Variants in MLN observed in about 807,000 individuals in gnomAD.
MLN encodes the protein promotilin.
MLN carries 14 observed loss-of-function variants against 13.3 expected under a neutral mutation model. The observed-to-expected ratio is 1.05, with a 90% CI of 0.69 to 1.64. The LOEUF is 1.64. MLN is among the 40% of genes most tolerant of loss of function. The probability of loss-of-function intolerance (pLI) is 0.00; values close to 1 mark genes in which losing one functional copy is unlikely to be tolerated. For synonymous variants in MLN, 59 were observed against 54.7 expected (o/e 1.08, Z -0.34); for missense variants, 122 against 142.9 (o/e 0.85, Z 0.75).
In MLN at chr6:33,797,197, C is replaced by T. The variant is rs551118307; in HGVS notation, c.235-1592G>A. On this transcript the variant is annotated intron_variant, in intron 3 of 4. Coordinates refer to ENST00000430124, the MANE Select transcript of MLN (RefSeq NM_002418.3). ...ACTCCTGTGTGACCGTGACAAGGCC[C>T]CTGCTCTCTCTGGATGTCAGTCTTC... 1.2e-3 allele frequency among the ~76,000 whole-genome samples: 186 copies of T among 152,326 alleles called. 1 individual carries two copies. The highest frequency in any genetic ancestry group is 4.3e-3 in the African/African-American group (179 of 41,556).
intron 3 of MLN, among the ~76,000 whole-genome samples, chr6:33,796,055 G>A (rs1351284248): frequency 6.6e-6 from 1 of 151,332 alleles, no homozygotes; most frequent in Non-Finnish European, 1.5e-5. Flanking sequence ...CGCCTCCCGG[G>A]TTCACGCCAT....
chr6:33,802,887 C>G (rs918736545), intron 1 of MLN, among the ~76,000 whole-genome samples: 2 of 152,178 alleles, frequency 1.3e-5, no homozygotes, highest in African/African-American at 2.4e-5. Context: ...GCTTTTCCCC[C>G]CAGCAGAGAC....
At chr6:33,802,336 A>G (rs1427133946) in intron 1 of MLN, among the ~76,000 whole-genome samples, 4 of 152,096 alleles carry the variant, frequency 2.6e-5, no homozygotes, top group African/African-American at 7.2e-5. Flanking sequence ...CAGTAGGGGT[A>G]GGGGTGGAGG....
chr6:33,797,811 GA>G (rs1561934068), intron 3 of MLN, among the ~76,000 whole-genome samples: 1 of 152,082 alleles, frequency 6.6e-6, no homozygotes, highest in Admixed American at 6.6e-5. Context: ...CAGCTGGAGA[GA>G]CCCCTTTAAA....
chr6:33,796,650 G>A (rs906970072), intron 3 of MLN, among the ~76,000 whole-genome samples: 15 of 152,308 alleles, frequency 9.8e-5, no homozygotes, highest in African/African-American at 3.6e-4. Context: ...AGACGCTTGG[G>A]GGCTCAGGGT....
In MLN at chr6:33,803,307, C is replaced by CTTT. The variant is rs535908944; in HGVS notation, c.-8+643_-8+645dup. 2.2e-3 allele frequency among the ~76,000 whole-genome samples: 296 copies of CTTT among 136,126 alleles called. 9 individuals are homozygous for CTTT. In the East Asian group the frequency reaches 0.039, roughly 18 times the overall value. 89.3% of individuals were successfully genotyped at this position (136,126 alleles called of 152,430 possible). ...CTTTTTCTTTTCCTTTTCTTTTCTTCTTTTTTTTTTTTTTTTCTGAGATGG... is the reference window on the plus strand; with the variant it reads ...CTTTTTCTTTTCCTTTTCTTTTCTTCTTTTTTTTTTTTTTTTTTTCTGAGATGG... On this transcript the variant is annotated intron_variant, in intron 1 of 4. Coordinates refer to ENST00000430124, the MANE Select transcript of MLN (RefSeq NM_002418.3). This position sits in a 1 kb window ranked among gnomAD's most constrained non-coding sequence, Gnocchi z 4.5.
At position 33,797,818 on chromosome 6, in the gene MLN, T is replaced by G. The variant is rs573543632; in HGVS notation, c.234+1287A>C. 2.6e-4 allele frequency among the ~76,000 whole-genome samples: 40 copies of G among 152,208 alleles called. 1 individual carries two copies. The highest frequency in any genetic ancestry group is 2.4e-3 in the Admixed American group (37 of 15,286). Reference sequence around the variant, plus strand: ...GTTCTCAGCAGCTGGAGAGACCCCTTTAAAATGTAAATCAGATCCCATCCC... The same window carrying G: ...GTTCTCAGCAGCTGGAGAGACCCCTGTAAAATGTAAATCAGATCCCATCCC... On this transcript the variant is annotated intron_variant, in intron 3 of 4. Transcript: ENST00000430124.
At chr6:33,798,789 T>A (rs1213022325) in intron 3 of MLN, among the ~76,000 whole-genome samples, 1 of 152,200 alleles carries the variant, frequency 6.6e-6, no homozygotes, top group Non-Finnish European at 1.5e-5. Context: ...CTCCTTCCCT[T>A]CATTCAGGTT....
intron 1 of MLN, among the ~76,000 whole-genome samples, chr6:33,801,833 C>T (rs1760836776): frequency 6.6e-6 from 1 of 152,254 alleles, no homozygotes; most frequent in South Asian, 2.1e-4. Context: ...CTTTGGCCAC[C>T]ATCCTGAAAC....
chr6:33,801,309 A>T, intron 1 of MLN, 139 bp from the exon 2 acceptor site: 1 of 659,480 alleles, frequency 1.5e-6, no homozygotes, highest in East Asian at 2.8e-5. Context: ...GCCTGTCTGG[A>T]TTTGGGCCTG....
At chr6:33,794,891 T>G (rs1767873037) in intron 4 of MLN, 56 bp from the exon 5 acceptor site, 3 of 1,603,892 alleles carry the variant, frequency 1.9e-6, no homozygotes, top group Admixed American at 3.4e-5. Context: ...CTTATGAAAC[T>G]GCCCTCTAAA....
intron 3 of MLN, among the ~76,000 whole-genome samples, chr6:33,796,731 C>T (rs1733321648): frequency 6.6e-6 from 1 of 152,202 alleles, no homozygotes; most frequent in African/African-American, 2.4e-5. Context: ...TATGCCTCTC[C>T]CTCTAGACCC....
At chr6:33,802,134 T>C (rs1760846585) in intron 1 of MLN, among the ~76,000 whole-genome samples, 1 of 152,136 alleles carries the variant, frequency 6.6e-6, no homozygotes. Context: ...GCTGGAACCT[T>C]GGCCTTTTGA....
intron 1 of MLN, among the ~76,000 whole-genome samples, chr6:33,802,582 G>A (rs1422325210): frequency 1.3e-5 from 2 of 152,130 alleles, no homozygotes; most frequent in African/African-American, 4.8e-5. Flanking sequence ...CTGCCTTCTT[G>A]CTATTCCAGC....
At chr6:33,797,269 G>C (rs1023607100) in intron 3 of MLN, among the ~76,000 whole-genome samples, 1 of 152,180 alleles carries the variant, frequency 6.6e-6, no homozygotes, top group African/African-American at 2.4e-5. Flanking sequence ...ACTCAGGTCT[G>C]GGCCTCTTCT....
intron 3 of MLN, 103 bp from the exon 4 acceptor site, chr6:33,795,708 C>G (rs1767900845): frequency 1.2e-6 from 1 of 864,424 alleles, no homozygotes; most frequent in African/African-American, 1.7e-5. Context: ...GCCACACCAC[C>G]CTGCAGACCC....
At chr6:33,796,442 C>A (rs1321586141) in intron 3 of MLN, among the ~76,000 whole-genome samples, 1 of 152,214 alleles carries the variant, frequency 6.6e-6, no homozygotes, top group Non-Finnish European at 1.5e-5. Context: ...GTAGTTGCAG[C>A]CTTGAGGCAG....
In MLN at chr6:33,799,201, C is replaced by T. The variant is rs1320197215; in HGVS notation, c.138G>A (p.Gly46=). 1 of 1,611,858 alleles carries T rather than the reference C, an allele frequency of 6.2e-7. No individual in the cohort carries two copies. Among genetic ancestry groups the T allele is most frequent in the African/African-American group, 1.3e-5 (1 of 75,016 alleles). The change falls in exon 3 of 5, where the codon GGG becomes GGA. Residue 46 remains glycine, a synonymous_variant. Transcript: ENST00000430124. This position sits in a 1 kb window ranked among gnomAD's most constrained non-coding sequence, Gnocchi z 4.6. The part of the protein sequence containing the change: ...QRMQEKERNK[G]QKKSLSVWQR... ...GCCATACACTCAGGGATTTCTTTTG[C>T]CCTTTATTCCGTTCCTTTTCCTAGG...
At chr6:33,796,127 T>G (rs1767918658) in intron 3 of MLN, among the ~76,000 whole-genome samples, 2 of 152,000 alleles carry the variant, frequency 1.3e-5, no homozygotes, top group Non-Finnish European at 2.9e-5. Context: ...GCCCGGCTAA[T>G]TTTTTGTATT....
Sources: allele counts gnomAD v4.1 joint callset (sites outside exome capture counted in the v4.1 genomes callset), GRCh38; gene constraint gnomAD v4.1.1; non-coding constraint Gnocchi (gnomAD v3.1); transcripts MANE v1.5; gene names NCBI Gene and HGNC (gene_info 2026-07-23, HGNC 2026-07-21).